The following PSTPIP1 variants were observed in gnomAD, a reference collection of about 807,000 sequenced individuals.
PSTPIP1 encodes the protein proline-serine-threonine phosphatase-interacting protein 1.
A neutral mutation model predicts 69.6 loss-of-function variants in PSTPIP1; 66 were observed. The ratio of observed to expected loss-of-function variants is 0.95; its 90% CI spans 0.78 to 1.16. The LOEUF is 1.16. Ranked by LOEUF, PSTPIP1 falls within the 50% of genes most tolerant of loss-of-function variation. The pLI is 0.00. For synonymous variants in PSTPIP1, 266 were observed against 222.7 expected, an observed-to-expected ratio of 1.19 and a Z score of -1.73; for missense variants, 603 against 557.4, an observed-to-expected ratio of 1.08 and a Z score of -0.82.
chr15:77,028,396 C>T, intron 6 of PSTPIP1, 158 bp from the exon 7 acceptor site: 1 of 596,184 alleles, frequency 1.7e-6, no homozygotes, highest in Non-Finnish European at 3.0e-6. Flanking sequence ...TCTCTATCTC[C>T]TTCCGGACCC....
rs1266616711 is a variant in PSTPIP1, at chr15:77,032,349, A to G, written c.793A>G (p.Ile265Val). 3.7e-6 allele frequency: 6 copies of G among 1,612,662 alleles called. No homozygotes were observed. Among genetic ancestry groups the G allele is most frequent in the Non-Finnish European group, 5.1e-6 (6 of 1,179,768 alleles). ...TLEGCSIDAD[I>V]DSFIQAKSTG... The stretch of plus-strand genomic sequence containing the variant: ...GGAAGGCTGCAGCATAGACGCCGAC[A>G]TCGACAGTTTCATCCAGGCCAAGAG... The change falls in exon 11 of 15, where the codon ATC (isoleucine) becomes GTC (valine). Residue 265 changes from isoleucine to valine, a missense_variant. Transcript: ENST00000558012.
At chr15:77,026,157 G>C (rs552879338) in intron 5 of PSTPIP1, 2 of 456,136 alleles carry the variant, frequency 4.4e-6, no homozygotes, top group South Asian at 3.1e-5. Flanking sequence ...TGGAAGTGAA[G>C]TCCCCATCAT....
chr15:77,016,521 C>G (rs2076055913), intron 1 of PSTPIP1, among the ~76,000 whole-genome samples: 1 of 152,164 alleles, frequency 6.6e-6, no homozygotes, highest in Admixed American at 6.5e-5. Context: ...GCTGGGGGGA[C>G]AGCTTCTGGC....
At position 76,995,174 on chromosome 15, in the gene PSTPIP1, C is replaced by A. The variant is rs1051599857; in HGVS notation, c.-400C>A. ...GCTGCCTGCCTGCCTGCCTGCCTGG[C>A]CCGGCCCGAGCTCCAGCCTGCCTCT... is the stretch of plus-strand genomic sequence containing the variant. On this transcript the variant is annotated 5_prime_UTR_variant, in exon 1 of 15. Transcript: ENST00000558012. 8 of 1,194,808 alleles carry A rather than the reference C, an allele frequency of 6.7e-6. No individual in the cohort carries two copies. The highest frequency in any genetic ancestry group is 8.4e-6 in the Non-Finnish European group (8 of 949,350). 74.0% of individuals were successfully genotyped at this position (1,194,808 alleles called of 1,614,324 possible). A position where few individuals can be genotyped will look rare whatever the true frequency, so the allele number is the denominator to read the frequency against.
rs2075549483 is a variant in PSTPIP1 at position 76,995,248 on chromosome 15, C to T, written c.-326C>T. The T allele has an allele frequency of 1.8e-5, 23 of 1,269,958 alleles. 1 individual carries two copies. In the South Asian group the frequency reaches 3.7e-4, roughly 20 times the overall value. The allele number at this position is 1,269,958 out of a possible 1,614,324, so 78.7% of individuals were successfully genotyped here. ...CAGGGCTGGCATCCCTGCTCCCTGC[C>T]CTGGGTCCCAGACTGTGTCCTCCAT... On this transcript the variant is annotated 5_prime_UTR_variant, in exon 1 of 15. Coordinates refer to ENST00000558012, the MANE Select transcript of PSTPIP1 (RefSeq NM_003978.5).
At chr15:77,025,148 C>T in intron 3 of PSTPIP1, 136 bp from the exon 4 acceptor site, 1 of 970,628 alleles carries the variant, frequency 1.0e-6, no homozygotes, top group Non-Finnish European at 1.6e-6. Context: ...TAAAGGGTCC[C>T]TTGGTTCTAG....
chr15:77,016,159 C>A (rs1192798157), intron 1 of PSTPIP1, among the ~76,000 whole-genome samples: 4 of 152,188 alleles, frequency 2.6e-5, no homozygotes, highest in African/African-American at 9.7e-5. Context: ...CTTGTCCTGA[C>A]TCTGCAGCGT....
At chr15:77,024,608 T>C (rs1280837419) in intron 3 of PSTPIP1, among the ~76,000 whole-genome samples, 1 of 152,238 alleles carries the variant, frequency 6.6e-6, no homozygotes, top group Non-Finnish European at 1.5e-5. Flanking sequence ...GGGCATACTA[T>C]ACTCAAAAAG....
chr15:77,028,723 CG>C, intron 7 of PSTPIP1, 71 bp downstream of exon 7: 8 of 1,281,594 alleles, frequency 6.2e-6, no homozygotes, highest in South Asian at 1.5e-5. Flanking sequence ...GAAGGGGTGC[CG>C]TAGACACCCC....
At chr15:76,997,582 G>A (rs1052406572) in intron 1 of PSTPIP1, among the ~76,000 whole-genome samples, 1 of 152,228 alleles carries the variant, frequency 6.6e-6, no homozygotes, top group Non-Finnish European at 1.5e-5. Context: ...GAGATATTAA[G>A]AGACTTGCGC....
At chr15:77,036,071 G>GAGA in intron 14 of PSTPIP1, 136 bp downstream of exon 14, 7 of 1,233,786 alleles carry the variant, frequency 5.7e-6, no homozygotes, top group Non-Finnish European at 7.6e-6. Flanking sequence ...TCCTCAGGAG[G>GAGA]GCACGTGTGC....
At chr15:77,034,199 TGTG>T (rs1409876754) in intron 12 of PSTPIP1, among the ~76,000 whole-genome samples, 1 of 2,760 alleles carries the variant, frequency 3.6e-4, no homozygotes. Context: ...GGAAAAGAGG[TGTG>T]GGGGCACGCA....
chr15:77,017,669 TG>T lies in PSTPIP1; in HGVS notation c.37-475del, dbSNP rs555404648. Among the ~76,000 whole-genome samples the T allele has an allele frequency of 1.2e-3, 179 of 152,232 alleles. 2 individuals carry two copies. Among genetic ancestry groups the T allele is most frequent in the African/African-American group, 4.2e-3 (175 of 41,536 alleles). On this transcript the variant is annotated intron_variant, in intron 1 of 14. Coordinates refer to ENST00000558012, the MANE Select transcript of PSTPIP1 (RefSeq NM_003978.5). ...GGGCAGGGACCCCAGCCAGACAGCC[TG>T]GGGTTCAAGGCCAGGCCAGCCACTT...
Position 77,025,620 on chromosome 15 carries a change from G to C in PSTPIP1, c.354+16G>C, listed in dbSNP as rs760796603. The C allele has an allele frequency of 6.5e-7, 1 of 1,532,594 alleles. No homozygotes were observed. The highest frequency in any genetic ancestry group is 8.8e-7 in the Non-Finnish European group (1 of 1,132,534). The allele number at this position is 1,532,594 out of a possible 1,614,324, so 94.9% of individuals were successfully genotyped here. ...GAGGAAGAAGGTGAGGCAGGTGCAG[G>C]GGGCGGGGGAGCTGCTCCCCCATTG... On this transcript the variant is annotated intron_variant, in intron 5 of 14. Transcript: ENST00000558012.
intron 14 of PSTPIP1, 89 bp downstream of exon 14, chr15:77,036,024 C>T (rs999765828): frequency 7.0e-7 from 1 of 1,427,946 alleles, no homozygotes; most frequent in Admixed American, 2.5e-5. Context: ...GTCCTCATCT[C>T]TCCTCATGGT....
In PSTPIP1 at chr15:77,018,499, C is replaced by T. The variant is rs370802825; in HGVS notation, c.180C>T (p.Ile60=). The T allele has an allele frequency of 1.1e-5, 18 of 1,581,676 alleles. No homozygotes were observed. The South Asian group carries it at 1.3e-4, about 11-fold the overall frequency. The stretch of plus-strand genomic sequence containing the variant: ...GGTACGGGAAGGAGCTGGTGCAGAT[C>T]GCACGGAAGGCAGGTGGCCAGACGG... The part of the protein sequence containing the change: ...EERYGKELVQ[I]ARKAGGQTEI... The change falls in exon 3 of 15, where the codon ATC becomes ATT. Residue 60 remains isoleucine, a synonymous_variant. Transcript: ENST00000558012.
At chr15:77,025,196 C>T in intron 3 of PSTPIP1, 88 bp from the exon 4 acceptor site, 2 of 1,429,392 alleles carry the variant, frequency 1.4e-6, no homozygotes, top group Non-Finnish European at 9.9e-7. Flanking sequence ...AAAAGTCCTC[C>T]CCACTGCCCA....
intron 3 of PSTPIP1, chr15:77,024,221 G>C (rs929771849): frequency 1.3e-5 from 2 of 152,340 alleles, no homozygotes; most frequent in South Asian, 4.1e-4. Context: ...AACAGGCTCC[G>C]CGGATGCTGA....
chr15:77,016,408 C>G (rs974907283), intron 1 of PSTPIP1, among the ~76,000 whole-genome samples: 1 of 152,024 alleles, frequency 6.6e-6, no homozygotes, highest in Admixed American at 6.5e-5. Flanking sequence ...GGGAGGGCTG[C>G]TGGCTGCAAG....
Sources: gnomAD v4.1 joint callset for allele counts (sites outside exome capture counted in the v4.1 genomes callset) on GRCh38, gnomAD v4.1.1 for gene constraint, MANE v1.5 for transcripts, NCBI Gene and HGNC (gene_info 2026-07-23, HGNC 2026-07-21) for gene names.